REV3L: variants seen among roughly 807,000 people sequenced by gnomAD.
The protein encoded by REV3L is DNA polymerase zeta catalytic subunit.
Under a neutral mutation model 299.4 loss-of-function variants are expected in REV3L, and 69 were observed. The ratio of observed to expected loss-of-function variants is 0.23; its 90% CI spans 0.19 to 0.28. The LOEUF (loss-of-function observed/expected upper bound fraction) is 0.28, where lower values mean the gene tolerates loss of function less well. REV3L is among the 10% of genes least tolerant of loss of function. The probability of loss-of-function intolerance (pLI) is 1.00; values close to 1 mark genes in which losing one functional copy is unlikely to be tolerated. For synonymous variants in REV3L, 1,238 were observed against 1,271.4 expected (o/e 0.97, Z 0.56); for missense variants, 3,128 against 3,693.8 (o/e 0.85, Z 3.97).
chr6:111,300,194 G>A, intron 31 of REV3L, 38 bp from the exon 32 acceptor site: 1 of 1,521,528 alleles, frequency 6.6e-7, no homozygotes. Flanking sequence ...TAATAGGAAA[G>A]TTTTTATGCG....
Position 111,376,041 on chromosome 6 carries a change from G to A in REV3L, c.2314C>T (p.Leu772Phe), listed in dbSNP as rs752707820. The change falls in exon 13 of 32, where the codon CTT becomes TTT. Residue 772 changes from leucine to phenylalanine, a missense_variant. Physicochemically the swap from Leu to Phe is conservative, Grantham distance 22 (BLOSUM62 0). This residue lies in a region of REV3L where 2,409 missense variants were observed against 2,611.8 expected (regional missense o/e 0.92). Coordinates refer to ENST00000368802, the MANE Select transcript of REV3L (RefSeq NM_001372078.1). ...TGAAATTCTTCATACCTAATTTTAA[G>A]TTTATTTAGTCCACTTTCATCAGCA... ...STADESGLNK[L>F]KIRYEEFQEH... The A allele has an allele frequency of 1.2e-6, 2 of 1,613,894 alleles. No individual in the cohort carries two copies. The highest frequency in any genetic ancestry group is 1.7e-6 in the Non-Finnish European group (2 of 1,179,878).
At chr6:111,304,997 A>C (rs904005404) in intron 31 of REV3L, among the ~76,000 whole-genome samples, 1 of 149,106 alleles carries the variant, frequency 6.7e-6, no homozygotes, top group African/African-American at 2.5e-5. Flanking sequence ...GCTGGAGTGC[A>C]ATGCTGCAAT....
Position 111,483,186 on chromosome 6 carries a change from C to A in REV3L, c.-298G>T. ...ATCACACGGGCTCCTCGGTCCCAGGCTGCAGCTCTTGTTGCCATGATGATG... is the reference window on the plus strand; with the variant it reads ...ATCACACGGGCTCCTCGGTCCCAGGATGCAGCTCTTGTTGCCATGATGATG... On this transcript the variant is annotated 5_prime_UTR_variant, in exon 1 of 32. Transcript: ENST00000368802. The A allele has an allele frequency of 2.0e-6, 1 of 488,104 alleles. No homozygotes were observed. The highest frequency in any genetic ancestry group is 3.6e-6 in the Non-Finnish European group (1 of 281,204). 30.2% of individuals were successfully genotyped at this position (488,104 alleles called of 1,614,324 possible). A position where few individuals can be genotyped will look rare whatever the true frequency, so the allele number is the denominator to read the frequency against.
Position 111,313,332 on chromosome 6 carries a change from A to T in REV3L, c.8604+20T>A. 1 of 1,597,192 alleles carries T rather than the reference A, an allele frequency of 6.3e-7. No individual in the cohort carries two copies. The highest frequency in any genetic ancestry group is 8.5e-7 in the Non-Finnish European group (1 of 1,175,020). The stretch of plus-strand genomic sequence containing the variant: ...AGCCACTTATTTCTTACAGATGAAG[A>T]CAAGATAGATAAACCTTACCTTAGA... On this transcript the variant is annotated intron_variant, in intron 28 of 31. Coordinates refer to ENST00000368802, the MANE Select transcript of REV3L (RefSeq NM_001372078.1).
At chr6:111,457,641 C>T (rs1409063000) in intron 1 of REV3L, among the ~76,000 whole-genome samples, 1 of 151,558 alleles carries the variant, frequency 6.6e-6, no homozygotes, top group Non-Finnish European at 1.5e-5. Flanking sequence ...AAAATCTCAT[C>T]ATGTTAGAAA....
intron 1 of REV3L, among the ~76,000 whole-genome samples, chr6:111,435,898 C>T (rs558565778): frequency 9.9e-5 from 15 of 152,254 alleles, no homozygotes; most frequent in Non-Finnish European, 1.5e-4. Flanking sequence ...AATATTCACA[C>T]GCTACTCATC....
At chr6:111,443,402 A>G (rs946250005) in intron 1 of REV3L, among the ~76,000 whole-genome samples, 3 of 152,066 alleles carry the variant, frequency 2.0e-5, no homozygotes, top group Non-Finnish European at 4.4e-5. Flanking sequence ...GCGCCCGGCC[A>G]TATCTAGTAA....
chr6:111,303,059 A>G (rs1473952450), intron 31 of REV3L, among the ~76,000 whole-genome samples: 20 of 151,180 alleles, frequency 1.3e-4, no homozygotes, highest in Non-Finnish European at 2.4e-4. Flanking sequence ...AAGTGGAAGG[A>G]TCACTTTTTT....
At chr6:111,364,729 C>T (rs1231757365) in intron 15 of REV3L, among the ~76,000 whole-genome samples, 2 of 151,942 alleles carry the variant, frequency 1.3e-5, no homozygotes, top group East Asian at 3.9e-4. Context: ...CTAATGTATA[C>T]TTCTTTCACA....
chr6:111,359,067 CAAAG>C, intron 16 of REV3L, 53 bp from the exon 17 acceptor site: 3 of 1,456,054 alleles, frequency 2.1e-6, no homozygotes, highest in Non-Finnish European at 2.8e-6. Context: ...AAGACATGCT[CAAAG>C]AAGTATGTAA....
intron 22 of REV3L, among the ~76,000 whole-genome samples, chr6:111,333,877 ATAACT>A (rs1562137818): frequency 2.6e-5 from 4 of 152,268 alleles, no homozygotes; most frequent in African/African-American, 7.2e-5. Flanking sequence ...AACATGTCAA[ATAACT>A]TAAAAGATAA....
At chr6:111,483,326 C>A, upstream of REV3L, 1 of 476,594 alleles carries the variant, frequency 2.1e-6, no homozygotes. Context: ...AGGGCGGGCG[C>A]CCGGGCGGGA....
At chr6:111,450,941 C>A (rs192678138) in intron 1 of REV3L, among the ~76,000 whole-genome samples, 1 of 152,276 alleles carries the variant, frequency 6.6e-6, no homozygotes, top group African/African-American at 2.4e-5. Context: ...CAGCTCACAA[C>A]AGAAAGAACC....
chr6:111,418,351 CT>C (rs1422119637), intron 1 of REV3L, among the ~76,000 whole-genome samples: 1 of 152,116 alleles, frequency 6.6e-6, no homozygotes, highest in East Asian at 1.9e-4. Flanking sequence ...CAAAATTGGA[CT>C]GTATTAATAG....
At chr6:111,302,554 A>T (rs968453074) in intron 31 of REV3L, among the ~76,000 whole-genome samples, 6 of 152,292 alleles carry the variant, frequency 3.9e-5, no homozygotes, top group Non-Finnish European at 8.8e-5. Context: ...GGCACTTAAA[A>T]AATATCTGCT....
chr6:111,422,046 CTT>C (rs1165291356), intron 1 of REV3L, among the ~76,000 whole-genome samples: 1 of 152,106 alleles, frequency 6.6e-6, no homozygotes, highest in Non-Finnish European at 1.5e-5. Flanking sequence ...AGGATGTACT[CTT>C]AGCCTTGGAA....
chr6:111,415,412 G>T (rs1784652492), intron 2 of REV3L, among the ~76,000 whole-genome samples: 1 of 152,158 alleles, frequency 6.6e-6, no homozygotes, highest in African/African-American at 2.4e-5. Context: ...AGTAGCCTAT[G>T]GAAAGCAGCT....
intron 1 of REV3L, among the ~76,000 whole-genome samples, chr6:111,420,005 C>T (rs1002922438): frequency 2.6e-5 from 4 of 151,934 alleles, no homozygotes; most frequent in South Asian, 4.2e-4. Context: ...CCACCATGCC[C>T]GGCTAATTTT....
At chr6:111,411,291 G>A (rs1303527181) in intron 3 of REV3L, among the ~76,000 whole-genome samples, 189 bp downstream of exon 3, 3 of 152,162 alleles carry the variant, frequency 2.0e-5, no homozygotes, top group Non-Finnish European at 4.4e-5. Context: ...GCAGTTGGGA[G>A]CCTCCACCTC....
Sources: allele counts gnomAD v4.1 joint callset (sites outside exome capture counted in the v4.1 genomes callset), GRCh38; gene constraint gnomAD v4.1.1; regional missense constraint gnomAD v4.1.1; transcripts MANE v1.5; gene names NCBI Gene and HGNC (gene_info 2026-07-23, HGNC 2026-07-21).